Variants in ITIH6 observed in about 807,000 individuals in gnomAD.
ITIH6 encodes inter-alpha-trypsin inhibitor heavy chain family member 6.
Under a neutral mutation model 58.2 loss-of-function variants are expected in ITIH6, and 60 were observed. The observed-to-expected ratio is 1.03, with a 90% CI of 0.84 to 1.28. The LOEUF is 1.28. ITIH6 is among the 50% of genes most tolerant of loss of function. ITIH6 has a pLI of 0.00. For missense variants in ITIH6, 1,290 were observed against 1,021.1 expected (o/e 1.26, Z -3.59); for synonymous variants, 493 against 417.4 (o/e 1.18, Z -2.21).
intron 6 of ITIH6, among the ~76,000 whole-genome samples, chrX:54,762,513 C>T (rs1233566043): frequency 1.8e-5 from 2 of 111,741 alleles, no homozygotes; most frequent in African/African-American, 6.5e-5. Flanking sequence ...AACTCAGGTT[C>T]CAGTTTAACT....
intron 11 of ITIH6, among the ~76,000 whole-genome samples, 182 bp from the exon 12 acceptor site, chrX:54,751,562 T>A (rs775003470): frequency 3.6e-5 from 4 of 112,148 alleles, no homozygotes; most frequent in Non-Finnish European, 7.5e-5. Flanking sequence ...AGTGGGGGCA[T>A]GTAGTATGTG....
intron 11 of ITIH6, among the ~76,000 whole-genome samples, chrX:54,752,648 G>A (rs1351496203): frequency 8.9e-6 from 1 of 112,277 alleles, no homozygotes; most frequent in Non-Finnish European, 1.9e-5. Flanking sequence ...TTAAAGTTGA[G>A]TAAACTTTCA....
chrX:54,766,374 C>A (rs1450187259), intron 6 of ITIH6, among the ~76,000 whole-genome samples: 1 of 80,041 alleles, frequency 1.2e-5, no homozygotes, highest in Non-Finnish European at 2.4e-5. Flanking sequence ...ATTGAATACC[C>A]TTTATTTCCT....
At chrX:54,795,610 G>C (rs993414798) in intron 2 of ITIH6, among the ~76,000 whole-genome samples, 1 of 111,752 alleles carries the variant, frequency 8.9e-6, no homozygotes, top group African/African-American at 3.3e-5. Flanking sequence ...AGTACTTGCA[G>C]TTCCCCTAAT....
intron 6 of ITIH6, among the ~76,000 whole-genome samples, chrX:54,770,368 C>G (rs995879089): frequency 9.8e-5 from 11 of 112,732 alleles, no homozygotes; most frequent in South Asian, 3.7e-4. Flanking sequence ...AGCTGTAGAC[C>G]GGAGCTGTTC....
At position 54,753,968 on chromosome X, in the gene ITIH6, G is replaced by T. The variant is rs779566118; in HGVS notation, c.3203-3C>A. 8 of 1,207,278 alleles carry T rather than the reference G, an allele frequency of 6.6e-6. No individual in the cohort carries two copies. The highest frequency in any genetic ancestry group is 9.0e-6 in the Non-Finnish European group (8 of 892,278). ...GGTGAAGATGCTAGGCAATGTGCCT[G>T]CAAAGGAGAGAGAGACTGTGTTGGG... On this transcript the variant is annotated splice_region_variant and splice_polypyrimidine_tract_variant and intron_variant, in intron 9 of 12. Transcript: ENST00000218436.
rs762805828 is a variant in ITIH6 at position 54,757,083 on chromosome X, G to C, written c.2991C>G (p.Ile997Met). 8.3e-7 allele frequency: 1 copy of C among 1,211,157 alleles called. No homozygotes were observed. Among genetic ancestry groups the C allele is most frequent in the Admixed American group, 2.2e-5 (1 of 46,066 alleles). Residue 997 changes from isoleucine to methionine, a missense_variant, in exon 8 of 13, where the codon ATC becomes ATG. By Grantham distance (10) the Ile-to-Met change is conservative. Coordinates refer to ENST00000218436, the MANE Select transcript of ITIH6 (RefSeq NM_198510.3). ...LLPSSILPEA[I>M]SLLLLPEELE... ...GCTCCTCAGGGAGAAGGAGCAGACTGATGGCCTCAGGGAGGATGCTAGAAG... is the reference window on the plus strand; with the variant it reads ...GCTCCTCAGGGAGAAGGAGCAGACTCATGGCCTCAGGGAGGATGCTAGAAG...
At chrX:54,796,856 C>A in intron 2 of ITIH6, 86 bp downstream of exon 2, 1 of 974,133 alleles carries the variant, frequency 1.0e-6, no homozygotes, top group Non-Finnish European at 1.4e-6. Flanking sequence ...TTGTCTTAAT[C>A]ACTATGCTCT....
At chrX:54,795,752 G>A (rs956938074) in intron 2 of ITIH6, among the ~76,000 whole-genome samples, 6 of 111,893 alleles carry the variant, frequency 5.4e-5, no homozygotes, top group Non-Finnish European at 7.5e-5. Context: ...TTCTCCACCA[G>A]CCTGGGAATA....
intron 1 of ITIH6, 105 bp from the exon 2 acceptor site, chrX:54,797,201 A>T: frequency 1.5e-6 from 1 of 647,689 alleles, no homozygotes; most frequent in African/African-American, 2.2e-5. Flanking sequence ...CAAAGTATAC[A>T]GGTGGATAAA....
rs1477760179 is a variant in ITIH6, at chrX:54,792,013, A to G, written c.281T>C (p.Ile94Thr). ...FTMTINNKVYIAEVKEKHQAK... is the reference protein window; with the variant it reads ...FTMTINNKVYTAEVKEKHQAK... ...CTGGTGCTTCTCTTTGACTTCTGCA[A>G]TGTAGACTTTATTGTTGATGGTCCT... Residue 94 changes from isoleucine (I) to threonine (T), a missense_variant, in exon 3 of 13, where the codon ATT becomes ACT. Transcript: ENST00000218436. 5 of 1,203,733 alleles carry G rather than the reference A, an allele frequency of 4.2e-6. No homozygotes were observed. Among genetic ancestry groups the G allele is most frequent in the Non-Finnish European group, 5.6e-6 (5 of 889,556 alleles).
At position 54,749,908 on chromosome X, in the gene ITIH6, G is replaced by A. The variant is rs764235808; in HGVS notation, c.3929C>T (p.Ser1310Phe). 7 of 1,209,924 alleles carry A rather than the reference G, an allele frequency of 5.8e-6. No homozygotes were observed. The Admixed American group carries it at 1.5e-4, about 26-fold the overall frequency. The change falls in exon 13 of 13, where the codon TCC (serine) becomes TTC (phenylalanine). Residue 1310 changes from serine (S) to phenylalanine (F), a missense_variant. Ser to Phe is a radical substitution (Grantham distance 155). Coordinates refer to ENST00000218436, the MANE Select transcript of ITIH6 (RefSeq NM_198510.3). ...ATTCAGAAGCCATCACAGGACATAG[G>A]AGAGGTAGGGGTGGCCCAGAAGCAG... ...VELLLGHPYL[S>F]YVL
At chrX:54,763,934 T>C (rs186781966) in intron 6 of ITIH6, among the ~76,000 whole-genome samples, 5 of 112,592 alleles carry the variant, frequency 4.4e-5, no homozygotes, top group East Asian at 2.8e-4. Flanking sequence ...TGTTATATCA[T>C]ATAATGCAAC....
chrX:54,772,295 A>G (rs998232495), intron 6 of ITIH6, among the ~76,000 whole-genome samples: 4 of 112,478 alleles, frequency 3.6e-5, no homozygotes, highest in Admixed American at 9.4e-5. Flanking sequence ...GGAGCTAAAC[A>G]TTGAACACAC....
intron 1 of ITIH6, 141 bp from the exon 2 acceptor site, chrX:54,797,237 C>G: frequency 2.4e-6 from 1 of 421,666 alleles, no homozygotes; most frequent in African/African-American, 2.5e-5. Flanking sequence ...GGAAAACAAC[C>G]TCTGTCATCC....
At position 54,751,065 on chromosome X, in the gene ITIH6, G is replaced by T. The variant is rs924025929; in HGVS notation, c.3668C>A (p.Pro1223His). Residue 1223 changes from proline (P) to histidine (H), a missense_variant, in exon 12 of 13, where the codon CCC (proline) becomes CAC (histidine). Transcript: ENST00000218436. ...RYRHPSTLQL[P>H]HLGFYVANGS... is the part of the protein sequence containing the mutation. ...ATTGGCCACGTAGAACCCCAGGTGG[G>T]GTAGTTGCAGGGTACTGGGATGCCT... 1.7e-6 allele frequency: 2 copies of T among 1,193,761 alleles called. No homozygotes were observed. Among genetic ancestry groups the T allele is most frequent in the South Asian group, 3.7e-5 (2 of 54,411 alleles).
At chrX:54,765,873 G>A (rs1322460401) in intron 6 of ITIH6, among the ~76,000 whole-genome samples, 1 of 110,168 alleles carries the variant, frequency 9.1e-6, no homozygotes, top group African/African-American at 3.3e-5. Context: ...TTGGCAATGC[G>A]GGCTCTTTTT....
chrX:54,769,379 C>T lies in ITIH6; in HGVS notation c.903+4702G>A, dbSNP rs1382860099. Among the ~76,000 whole-genome samples the T allele has an allele frequency of 2.4e-4, 23 of 96,015 alleles. No homozygotes were observed. In the South Asian group the frequency reaches 0.012, roughly 51 times the overall value. 83.4% of individuals were successfully genotyped at this position (96,015 alleles called of 115,157 possible). ...CGTCTGAAGCCTTCTTCTCTCAGCT[C>T]GTCAAAATCATTCTCCATCCAGCTT... is the stretch of plus-strand genomic sequence containing the variant. On this transcript the variant is annotated intron_variant, in intron 6 of 12. Coordinates refer to ENST00000218436, the MANE Select transcript of ITIH6 (RefSeq NM_198510.3).
At chrX:54,790,376 C>CTG (rs1929320558) in intron 4 of ITIH6, among the ~76,000 whole-genome samples, 4 of 112,265 alleles carry the variant, frequency 3.6e-5, no homozygotes, top group East Asian at 2.8e-4. Context: ...AAGCAAACTT[C>CTG]TGAGGCAGGA....
Sources: gnomAD v4.1 joint callset for allele counts (sites outside exome capture counted in the v4.1 genomes callset) on GRCh38, gnomAD v4.1.1 for gene constraint, MANE v1.5 for transcripts, NCBI Gene and HGNC (gene_info 2026-07-23, HGNC 2026-07-21) for gene names.